The following MTIF3 variants were observed in gnomAD, a reference collection of about 807,000 sequenced individuals.
MTIF3 encodes translation initiation factor IF-3, mitochondrial.
A neutral mutation model predicts 20.7 loss-of-function variants in MTIF3; 13 were observed. The ratio of observed to expected loss-of-function variants is 0.63; its 90% CI spans 0.41 to 1.00. The LOEUF (loss-of-function observed/expected upper bound fraction) is 1.00. Ranked by LOEUF, MTIF3 falls within the 50% of genes least tolerant of loss-of-function variation. MTIF3 has a pLI of 0.00. For missense variants in MTIF3, 295 were observed against 324.5 expected (o/e 0.91, Z 0.70); for synonymous variants, 114 against 112.5 (o/e 1.01, Z -0.08).
At chr13:27,449,594 C>A (rs1954292816) in intron 1 of MTIF3, among the ~76,000 whole-genome samples, 1 of 152,196 alleles carries the variant, frequency 6.6e-6, no homozygotes, top group African/African-American at 2.4e-5. Context: ...TCCCATCCCT[C>A]CCCCAATTTA....
At chr13:27,444,696 T>C (rs566194007) in intron 2 of MTIF3, among the ~76,000 whole-genome samples, 1 of 152,276 alleles carries the variant, frequency 6.6e-6, no homozygotes, top group South Asian at 2.1e-4. Flanking sequence ...CCCCCAACCA[T>C]CCAGGAATGC....
At chr13:27,437,009 C>T (rs1399586682) in intron 4 of MTIF3, 107 bp downstream of exon 4, 1 of 1,214,276 alleles carries the variant, frequency 8.2e-7, no homozygotes, top group African/African-American at 1.5e-5. Context: ...CCTTGGCCTC[C>T]CAAAATGCTG....
chr13:27,445,021 A>C (rs1954131126), intron 2 of MTIF3, 67 bp downstream of exon 2: 1 of 152,212 alleles, frequency 6.6e-6, no homozygotes, highest in Non-Finnish European at 1.5e-5. Flanking sequence ...ACTGCATGGG[A>C]CTATTATATT....
chr13:27,439,877 T>A, intron 3 of MTIF3, 112 bp downstream of exon 3: 1 of 894,304 alleles, frequency 1.1e-6, no homozygotes, highest in Non-Finnish European at 1.7e-6. Flanking sequence ...GAATCATGAA[T>A]TTTCTAGTTT....
intron 3 of MTIF3, among the ~76,000 whole-genome samples, chr13:27,438,941 C>A (rs1471735084): frequency 1.3e-5 from 2 of 152,194 alleles, no homozygotes; most frequent in Non-Finnish European, 2.9e-5. Flanking sequence ...TGAAGGCACA[C>A]AACCTCACGA....
chr13:27,447,587 T>TAG (rs1241558653), intron 1 of MTIF3, among the ~76,000 whole-genome samples: 1 of 152,230 alleles, frequency 6.6e-6, no homozygotes, highest in Non-Finnish European at 1.5e-5. Flanking sequence ...TACTCAGACT[T>TAG]TATCTGAGTT....
At chr13:27,449,471 G>A (rs1408242631) in intron 1 of MTIF3, among the ~76,000 whole-genome samples, 1 of 152,140 alleles carries the variant, frequency 6.6e-6, no homozygotes, top group Non-Finnish European at 1.5e-5. Flanking sequence ...TCTTCTTTAT[G>A]CCTAGGCCAC....
chr13:27,440,530 G>C (rs1953972345), intron 2 of MTIF3, 81 bp from the exon 3 acceptor site: 1 of 1,122,484 alleles, frequency 8.9e-7, no homozygotes, highest in South Asian at 1.6e-5. Flanking sequence ...GGCAGGGTGT[G>C]TGTGAGGTTG....
In MTIF3 at chr13:27,440,466, A is replaced by C; in HGVS notation, c.-1-17T>G. 6.4e-7 allele frequency: 1 copy of C among 1,551,704 alleles called. No homozygotes were observed. The highest frequency in any genetic ancestry group is 8.7e-7 in the Non-Finnish European group (1 of 1,143,530). On this transcript the variant is annotated splice_polypyrimidine_tract_variant and intron_variant, in intron 2 of 4. Coordinates refer to ENST00000381120, the MANE Select transcript of MTIF3 (RefSeq NM_152912.5). ...GCAGCCATCCTAAGAAAGTAGTAAG[A>C]AGAGTTCATTAAAATTCAATCACTT...
intron 1 of MTIF3, chr13:27,450,252 G>C (rs577432924): frequency 6.6e-6 from 1 of 152,334 alleles, no homozygotes; most frequent in Non-Finnish European, 1.5e-5. Context: ...AACTAGAAAA[G>C]CTCAGTGGGG....
chr13:27,448,794 T>C (rs185013241), intron 1 of MTIF3, among the ~76,000 whole-genome samples: 256 of 152,272 alleles, frequency 1.7e-3, no homozygotes, highest in Non-Finnish European at 2.7e-3. Flanking sequence ...TCCCAGCACT[T>C]TGGGGAGGCT....
In MTIF3 at chr13:27,435,900, A is replaced by G. The variant is rs963346825; in HGVS notation, c.619-7T>C. 6.3e-7 allele frequency: 1 copy of G among 1,598,922 alleles called. No individual in the cohort carries two copies. The highest frequency in any genetic ancestry group is 1.3e-5 in the African/African-American group (1 of 74,670). On this transcript the variant is annotated splice_polypyrimidine_tract_variant and splice_region_variant and intron_variant, in intron 4 of 4. Transcript: ENST00000381120. ...TTTGATGAAATATCTCCTCCTAAAA[A>G]AGGGAAACAGCCAAAGATTAATTTA...
rs143269791 is a variant in MTIF3 at position 27,440,252 on chromosome 13, T to C, written c.197A>G (p.Lys66Arg). The C allele has an allele frequency of 9.9e-6, 16 of 1,614,108 alleles. No homozygotes were observed. Among genetic ancestry groups the C allele is most frequent in the Non-Finnish European group, 1.4e-5 (16 of 1,180,044 alleles). The change falls in exon 3 of 5, where the codon AAA becomes AGA. Residue 66 changes from lysine (K) to arginine (R), a missense_variant. Lys to Arg is a conservative substitution (Grantham distance 26). Transcript: ENST00000381120. The part of the protein sequence containing the change: ...STAEDTQNEG[K>R]KTKKNKTAFS... ...AGCTGTTTTATTCTTTTTTGTCTTT[T>C]TTCCTTCATTCTGGGTGTCTTCAGC...
chr13:27,436,895 G>GT (rs1437089452), intron 4 of MTIF3, among the ~76,000 whole-genome samples: 1 of 151,980 alleles, frequency 6.6e-6, no homozygotes, highest in Non-Finnish European at 1.5e-5. Context: ...GGGACTACAG[G>GT]TGCCCGCCAC....
At chr13:27,445,365 AC>A (rs1954149036) in intron 1 of MTIF3, among the ~76,000 whole-genome samples, 1 of 152,054 alleles carries the variant, frequency 6.6e-6, no homozygotes, top group Non-Finnish European at 1.5e-5. Context: ...ACTCCCAGCT[AC>A]TGGGGAGGCT....
chr13:27,442,757 T>A (rs1015085267), intron 2 of MTIF3, among the ~76,000 whole-genome samples: 3 of 152,122 alleles, frequency 2.0e-5, no homozygotes, highest in Non-Finnish European at 4.4e-5. Context: ...AGCGAGCCCT[T>A]CCCTGACCCT....
At chr13:27,436,607 G>A (rs1444082025) in intron 4 of MTIF3, among the ~76,000 whole-genome samples, 2 of 152,016 alleles carry the variant, frequency 1.3e-5, no homozygotes, top group African/African-American at 4.8e-5. Context: ...GGAATAATGT[G>A]TTCATATGGC....
At chr13:27,439,896 C>T (rs1263706360) in intron 3 of MTIF3, 93 bp downstream of exon 3, 1 of 1,096,766 alleles carries the variant, frequency 9.1e-7, no homozygotes, top group Non-Finnish European at 1.3e-6. Flanking sequence ...TTCTCATTTC[C>T]CTCTTGTCAC....
chr13:27,447,900 A>G (rs1410232137), intron 1 of MTIF3, among the ~76,000 whole-genome samples: 1 of 15,150 alleles, frequency 6.6e-5, no homozygotes, highest in Non-Finnish European at 2.0e-4. Flanking sequence ...CAGTTTTTAA[A>G]TCTAGTTTTC....
Sources: allele counts gnomAD v4.1 joint callset (sites outside exome capture counted in the v4.1 genomes callset), GRCh38; gene constraint gnomAD v4.1.1; transcripts MANE v1.5; gene names NCBI Gene and HGNC (gene_info 2026-07-23, HGNC 2026-07-21).